ST6GALNAC3: variants seen among roughly 807,000 people sequenced by gnomAD.
ST6GALNAC3 encodes the protein ST6 N-acetylgalactosaminide alpha-2,6-sialyltransferase 3, also known as alpha-N-acetylgalactosaminide alpha-2,6-sialyltransferase 3.
A neutral mutation model predicts 32.7 loss-of-function variants in ST6GALNAC3; 25 were observed. The observed-to-expected ratio is 0.76, with a 90% CI of 0.56 to 1.07. The LOEUF (loss-of-function observed/expected upper bound fraction) is 1.07, where lower values mean the gene tolerates loss of function less well. Ranked by LOEUF, ST6GALNAC3 falls within the 50% of genes least tolerant of loss-of-function variation. The probability of loss-of-function intolerance (pLI) is 0.00; values close to 1 mark genes in which losing one functional copy is unlikely to be tolerated. For missense variants in ST6GALNAC3, 355 were observed against 382.4 expected (o/e 0.93, Z 0.60); for synonymous variants, 129 against 133.1 (o/e 0.97, Z 0.21).
At chr1:76,544,928 A>G (rs1664200047) in intron 3 of ST6GALNAC3, among the ~76,000 whole-genome samples, 1 of 152,226 alleles carries the variant, frequency 6.6e-6, no homozygotes. Context: ...AAGTAGAAAG[A>G]ACATAATATC....
intron 3 of ST6GALNAC3, among the ~76,000 whole-genome samples, chr1:76,589,476 C>T (rs1481694343): frequency 2.0e-5 from 3 of 151,872 alleles, no homozygotes; most frequent in Non-Finnish European, 4.4e-5. Context: ...CCACAATCCC[C>T]TTCTGAGCTG....
chr1:76,394,081 C>G (rs987286692), intron 2 of ST6GALNAC3, among the ~76,000 whole-genome samples: 1 of 152,066 alleles, frequency 6.6e-6, no homozygotes, highest in Non-Finnish European at 1.5e-5. Flanking sequence ...TGAATTTTAC[C>G]TCAAGTTACT....
chr1:76,455,080 A>T (rs1657678989), intron 3 of ST6GALNAC3, among the ~76,000 whole-genome samples: 1 of 151,802 alleles, frequency 6.6e-6, no homozygotes, highest in African/African-American at 2.4e-5. Flanking sequence ...CAATTATTTG[A>T]CTTTTTAATA....
In ST6GALNAC3 at chr1:76,373,546, T is replaced by C. The variant is rs185843672; in HGVS notation, c.214-38462T>C. On this transcript the variant is annotated intron_variant, in intron 2 of 4. Transcript: ENST00000328299. ...AGTGTTTTTAATAAGCAAAGGTGAGTGTGTGAGGTGTCAGGTATGAGCACT... is the reference window on the plus strand; with the variant it reads ...AGTGTTTTTAATAAGCAAAGGTGAGCGTGTGAGGTGTCAGGTATGAGCACT... Among the ~76,000 whole-genome samples the C allele has an allele frequency of 2.6e-5, 4 of 152,232 alleles. No individual in the cohort carries two copies. In the East Asian group the frequency reaches 7.7e-4, roughly 29 times the overall value.
intron 3 of ST6GALNAC3, among the ~76,000 whole-genome samples, chr1:76,508,960 A>G (rs1341913709): frequency 1.3e-5 from 2 of 152,218 alleles, no homozygotes; most frequent in South Asian, 4.1e-4. Context: ...TAGTAAGGAC[A>G]ATATGCATTT....
At chr1:76,432,420 T>A (rs1655820691) in intron 3 of ST6GALNAC3, among the ~76,000 whole-genome samples, 1 of 150,952 alleles carries the variant, frequency 6.6e-6, no homozygotes, top group Admixed American at 6.6e-5. Context: ...GGCTGAAATA[T>A]GTAGCTAAGT....
intron 1 of ST6GALNAC3, among the ~76,000 whole-genome samples, chr1:76,115,401 A>T (rs1648393566): frequency 6.6e-6 from 1 of 152,150 alleles, no homozygotes. Context: ...AAGAATTTAA[A>T]TTTACTACAT....
chr1:76,161,456 T>G (rs978867058), intron 1 of ST6GALNAC3, among the ~76,000 whole-genome samples: 2 of 152,180 alleles, frequency 1.3e-5, no homozygotes, highest in Admixed American at 6.5e-5. Context: ...CTCCCCTCAG[T>G]CCTTCATCAA....
intron 1 of ST6GALNAC3, among the ~76,000 whole-genome samples, chr1:76,217,459 C>T (rs1455065378): frequency 6.6e-6 from 1 of 152,196 alleles, no homozygotes; most frequent in Non-Finnish European, 1.5e-5. Flanking sequence ...ATAGTGCCTC[C>T]TCTTCCCTAT....
intron 1 of ST6GALNAC3, among the ~76,000 whole-genome samples, chr1:76,157,196 T>C (rs1479236574): frequency 1.3e-5 from 2 of 152,212 alleles, no homozygotes; most frequent in Non-Finnish European, 2.9e-5. Context: ...CAAATATATC[T>C]GTATGTAACC....
intron 1 of ST6GALNAC3, among the ~76,000 whole-genome samples, chr1:76,107,405 C>G (rs1631357): frequency 0.061 from 9,200 of 151,590 alleles, 307 homozygotes; most frequent in African/African-American, 0.09. Context: ...AATAACTTGC[C>G]TAAGCTCACA....
At chr1:76,170,229 G>A (rs1312038392) in intron 1 of ST6GALNAC3, among the ~76,000 whole-genome samples, 2 of 152,192 alleles carry the variant, frequency 1.3e-5, no homozygotes, top group African/African-American at 4.8e-5. Flanking sequence ...GGCCTGAGGT[G>A]TGGCAGCTGT....
chr1:76,344,213 G>A (rs1648302480), intron 2 of ST6GALNAC3, among the ~76,000 whole-genome samples: 1 of 152,098 alleles, frequency 6.6e-6, no homozygotes, highest in Admixed American at 6.6e-5. Flanking sequence ...ATGATGAGAG[G>A]GAGCCAAGTA....
intron 1 of ST6GALNAC3, among the ~76,000 whole-genome samples, chr1:76,148,483 C>T (rs2100318606): frequency 6.6e-6 from 1 of 152,238 alleles, no homozygotes; most frequent in Non-Finnish European, 1.5e-5. Context: ...GTTTGGTTTT[C>T]CTTCCGATAT....
At chr1:76,313,252 A>G (rs1646802041) in intron 1 of ST6GALNAC3, among the ~76,000 whole-genome samples, 1 of 152,108 alleles carries the variant, frequency 6.6e-6, no homozygotes, top group South Asian at 2.1e-4. Context: ...TGCCTGTAGT[A>G]TGTAAGGTAC....
At chr1:76,328,686 C>G (rs536428765) in intron 2 of ST6GALNAC3, among the ~76,000 whole-genome samples, 1 of 151,890 alleles carries the variant, frequency 6.6e-6, no homozygotes, top group Non-Finnish European at 1.5e-5. Context: ...GTTGATTTTC[C>G]CAAATTAAAG....
rs17098047 is a variant in ST6GALNAC3, at chr1:76,081,124, C to T, written c.18+6240C>T. On this transcript the variant is annotated intron_variant, in intron 1 of 4. Coordinates refer to ENST00000328299, the MANE Select transcript of ST6GALNAC3 (RefSeq NM_152996.4). ...GTTCAGAAAACCTAAGTAAATTGTC[C>T]GATGTCCTGTGGTCAGTAAGTGATG... Among the ~76,000 whole-genome samples, 818 of 152,120 alleles carry T rather than the reference C, an allele frequency of 5.4e-3. 9 individuals are homozygous for T. Among genetic ancestry groups the T allele is most frequent in the African/African-American group, 0.019 (769 of 41,478 alleles).
At chr1:76,269,714 C>T (rs976393834) in intron 1 of ST6GALNAC3, among the ~76,000 whole-genome samples, 8 of 152,164 alleles carry the variant, frequency 5.3e-5, no homozygotes, top group African/African-American at 1.7e-4. Flanking sequence ...GATCAGCAAA[C>T]GCTGTTGAAG....
intron 2 of ST6GALNAC3, among the ~76,000 whole-genome samples, chr1:76,397,954 T>C (rs1330188859): frequency 3.3e-5 from 5 of 152,200 alleles, no homozygotes; most frequent in African/African-American, 4.8e-5. Context: ...ATGATTTTTT[T>C]TCTTCTCTAT....
Sources: allele counts gnomAD v4.1 joint callset (sites outside exome capture counted in the v4.1 genomes callset), GRCh38; gene constraint gnomAD v4.1.1; transcripts MANE v1.5; gene names NCBI Gene and HGNC (gene_info 2026-07-23, HGNC 2026-07-21).